THEMIS: variants seen among roughly 807,000 people sequenced by gnomAD.
THEMIS encodes the protein thymocyte selection associated, also known as protein THEMIS.
THEMIS carries 37 observed loss-of-function variants against 52.6 expected under a neutral mutation model. The ratio of observed to expected loss-of-function variants is 0.70; its 90% CI spans 0.54 to 0.93. The LOEUF is 0.93. THEMIS is among the 40% of genes least tolerant of loss of function. The pLI, the probability that THEMIS is intolerant of heterozygous loss-of-function variation, is 0.00. For synonymous variants in THEMIS, 292 were observed against 272.7 expected, an observed-to-expected ratio of 1.07 and a Z score of -0.70; for missense variants, 808 against 763.1, an observed-to-expected ratio of 1.06 and a Z score of -0.69.
intron 3 of THEMIS, among the ~76,000 whole-genome samples, chr6:127,816,801 A>T (rs1778151073): frequency 6.6e-6 from 1 of 152,120 alleles, no homozygotes; most frequent in Non-Finnish European, 1.5e-5. Flanking sequence ...GGCCCCTGGC[A>T]CCACCTGGGT....
chr6:127,703,963 CA>C (rs1238248529), downstream of THEMIS, among the ~76,000 whole-genome samples: 2 of 152,164 alleles, frequency 1.3e-5, no homozygotes, highest in African/African-American at 4.8e-5. Flanking sequence ...TCAAAGATGG[CA>C]CCTCTTGCTG....
intron 4 of THEMIS, among the ~76,000 whole-genome samples, chr6:127,721,184 A>G (rs1774351538): frequency 6.6e-6 from 1 of 152,048 alleles, no homozygotes. Context: ...AGCAAACAAC[A>G]GCCAGAGGAG....
chr6:127,811,307 G>A (rs774220584), intron 4 of THEMIS, among the ~76,000 whole-genome samples: 35 of 152,194 alleles, frequency 2.3e-4, no homozygotes, highest in Non-Finnish European at 4.6e-4. Flanking sequence ...GTTGTCAGCT[G>A]CACTCCTTCC....
intron 4 of THEMIS, among the ~76,000 whole-genome samples, chr6:127,773,921 T>G (rs534997878): frequency 6.6e-6 from 1 of 152,308 alleles, no homozygotes; most frequent in African/African-American, 2.4e-5. Flanking sequence ...ACTGCAAAAC[T>G]TAATAATTTA....
chr6:127,837,945 G>A (rs1778925862), intron 2 of THEMIS, among the ~76,000 whole-genome samples: 1 of 151,932 alleles, frequency 6.6e-6, no homozygotes, highest in Non-Finnish European at 1.5e-5. Flanking sequence ...TCACTGTTGG[G>A]CATTTAAGTT....
At chr6:127,899,808 CA>C (rs1781081186) in intron 1 of THEMIS, among the ~76,000 whole-genome samples, 1 of 150,342 alleles carries the variant, frequency 6.7e-6, no homozygotes, top group Non-Finnish European at 1.5e-5. Context: ...AGTCTGATTC[CA>C]AAAATCAACT....
At chr6:127,785,478 TAAA>T (rs71543125) in intron 4 of THEMIS, among the ~76,000 whole-genome samples, 3 of 143,636 alleles carry the variant, frequency 2.1e-5, no homozygotes, top group Admixed American at 6.9e-5. Context: ...TAATAAAATT[TAAA>T]AAAAAAAAAA....
chr6:127,765,528 A>G (rs1310250259), intron 4 of THEMIS, among the ~76,000 whole-genome samples: 2 of 152,162 alleles, frequency 1.3e-5, no homozygotes, highest in East Asian at 1.9e-4. Flanking sequence ...GCCAAATGTA[A>G]GGAACTACTA....
At chr6:127,699,469 T>C in the THEMIS span, among the ~76,000 whole-genome samples, 1 of 148,640 alleles carries the variant, frequency 6.7e-6, no homozygotes, top group African/African-American at 2.5e-5. Flanking sequence ...ACATACTAGA[T>C]GATGTGGCTC....
downstream of THEMIS, among the ~76,000 whole-genome samples, chr6:127,706,266 A>G (rs1773796309): frequency 1.3e-5 from 2 of 152,216 alleles, no homozygotes; most frequent in South Asian, 4.1e-4. Flanking sequence ...ACTTTTTCTC[A>G]GACAAAGCTC....
chr6:127,742,756 AG>A (rs1162671460), intron 4 of THEMIS, among the ~76,000 whole-genome samples: 1 of 151,624 alleles, frequency 6.6e-6, no homozygotes, highest in African/African-American at 2.4e-5. Flanking sequence ...GGTGGTTGTC[AG>A]GGGCTGGGGG....
intron 4 of THEMIS, among the ~76,000 whole-genome samples, chr6:127,804,062 T>C (rs1777622875): frequency 6.6e-6 from 1 of 152,126 alleles, no homozygotes; most frequent in Admixed American, 6.5e-5. Flanking sequence ...ATGCATAAAA[T>C]AAGAAATTTG....
chr6:127,848,969 C>T (rs1277020483), intron 2 of THEMIS, among the ~76,000 whole-genome samples: 2 of 152,008 alleles, frequency 1.3e-5, no homozygotes, highest in Non-Finnish European at 2.9e-5. Flanking sequence ...GTTGCCATTG[C>T]TTTTGTTGTT....
intron 4 of THEMIS, among the ~76,000 whole-genome samples, chr6:127,809,504 T>C (rs1159264394): frequency 1.3e-5 from 2 of 152,144 alleles, no homozygotes; most frequent in Non-Finnish European, 2.9e-5. Context: ...TACAGGTGAA[T>C]TGTAGCATCC....
intron 4 of THEMIS, among the ~76,000 whole-genome samples, chr6:127,731,586 A>G (rs1173504326): frequency 2.1e-5 from 3 of 142,816 alleles, no homozygotes; most frequent in African/African-American, 7.8e-5. Context: ...GCATTTTCAG[A>G]AAAAAAAAAA....
At chr6:127,787,173 C>T (rs966718287) in intron 4 of THEMIS, among the ~76,000 whole-genome samples, 6 of 152,154 alleles carry the variant, frequency 3.9e-5, no homozygotes, top group Admixed American at 6.5e-5. Context: ...TTGTGGCAAA[C>T]AGGAAGCAAG....
At chr6:127,890,366 G>T (rs1293862185) in intron 1 of THEMIS, among the ~76,000 whole-genome samples, 1 of 152,150 alleles carries the variant, frequency 6.6e-6, no homozygotes, top group Non-Finnish European at 1.5e-5. Flanking sequence ...TCATTCATAT[G>T]TGGTAGCTAA....
intron 3 of THEMIS, among the ~76,000 whole-genome samples, chr6:127,815,832 C>T (rs1407866248): frequency 1.3e-5 from 2 of 152,080 alleles, no homozygotes; most frequent in African/African-American, 2.4e-5. Flanking sequence ...AGAATAGATG[C>T]CATCAAGGAC....
chr6:127,853,177 G>C (rs1049012839), intron 2 of THEMIS, among the ~76,000 whole-genome samples: 4 of 151,656 alleles, frequency 2.6e-5, no homozygotes, highest in Non-Finnish European at 5.9e-5. Context: ...GATGGTGGTA[G>C]TCAGACAAGT....
Sources: gnomAD v4.1 joint callset for allele counts (sites outside exome capture counted in the v4.1 genomes callset) on GRCh38, gnomAD v4.1.1 for gene constraint, MANE v1.5 for transcripts, NCBI Gene and HGNC (gene_info 2026-07-23, HGNC 2026-07-21) for gene names.